STXBP5L: variants seen among roughly 807,000 people sequenced by gnomAD.
STXBP5L encodes syntaxin-binding protein 5-like.
STXBP5L carries 65 observed loss-of-function variants against 144.5 expected under a neutral mutation model. That is an observed-to-expected ratio of 0.45 (90% CI 0.37 to 0.55). The LOEUF is 0.55. Among genes scored for constraint, STXBP5L ranks in the 20% least tolerant of loss-of-function variants. The pLI is 0.00. For missense variants in STXBP5L, 1,298 were observed against 1,405.5 expected (o/e 0.92, Z 1.22); for synonymous variants, 505 against 469.6 (o/e 1.08, Z -0.97).
chr3:120,916,432 C>CTG (rs1178240227), intron 2 of STXBP5L, among the ~76,000 whole-genome samples: 1 of 152,012 alleles, frequency 6.6e-6, no homozygotes, highest in Non-Finnish European at 1.5e-5. Flanking sequence ...TCCCAAGTAG[C>CTG]TGGGATTACA....
At chr3:121,139,364 A>G (rs958013979) in intron 7 of STXBP5L, among the ~76,000 whole-genome samples, 9 of 152,122 alleles carry the variant, frequency 5.9e-5, no homozygotes, top group African/African-American at 2.2e-4. Context: ...TACAATTACT[A>G]TATGTCAACT....
rs2108759831 is a variant in STXBP5L, at chr3:121,419,629, CAAAA to C, written c.*533_*536del. The C allele has an allele frequency of 6.6e-6, 1 of 152,290 alleles. No homozygotes were observed. The highest frequency in any genetic ancestry group is 2.1e-4 in the South Asian group (1 of 4,818). 9.4% of individuals were successfully genotyped at this position (152,290 alleles called of 1,614,324 possible). A position where few individuals can be genotyped will look rare whatever the true frequency, so the allele number is the denominator to read the frequency against. ...TGCCATACCCAACTGAAACGGAAAA[CAAAA>C]CAAAACAAGAACCCAGAGTTTTCTC... On this transcript the variant is annotated 3_prime_UTR_variant, in exon 27 of 27. Coordinates refer to ENST00000471454, the MANE Select transcript of STXBP5L (RefSeq NM_001308330.2).
chr3:121,121,652 C>T lies in STXBP5L; in HGVS notation c.617C>T (p.Thr206Ile). ...AATTGATTTAACAGATCCACTAAGACTCATCCAGGTCCAGTTGTACATTTA... is the reference window on the plus strand; with the variant it reads ...AATTGATTTAACAGATCCACTAAGATTCATCCAGGTCCAGTTGTACATTTA... ...WNKAIELSTK[T>I]HPGPVVHLSD... The change falls in exon 7 of 27, where the codon ACT (threonine) becomes ATT (isoleucine). Residue 206 changes from threonine (T) to isoleucine (I), a missense_variant. Transcript: ENST00000471454. 6.2e-7 allele frequency: 1 copy of T among 1,604,540 alleles called. No homozygotes were observed. Among genetic ancestry groups the T allele is most frequent in the Non-Finnish European group, 8.5e-7 (1 of 1,173,202 alleles).
chr3:120,977,203 G>T (rs1472311720), intron 3 of STXBP5L, among the ~76,000 whole-genome samples: 2 of 152,154 alleles, frequency 1.3e-5, no homozygotes, highest in African/African-American at 2.4e-5. Flanking sequence ...GGTCAGTAAG[G>T]ACTTGCTTCA....
chr3:121,272,809 C>T (rs339007), intron 18 of STXBP5L, among the ~76,000 whole-genome samples: 72,114 of 151,746 alleles, frequency 0.48, 17,691 homozygotes, highest in East Asian at 0.73. Context: ...TACGATGAGG[C>T]TTACGTGGAA....
intron 5 of STXBP5L, among the ~76,000 whole-genome samples, chr3:121,057,591 C>G (rs954796421): frequency 3.5e-4 from 53 of 151,880 alleles, no homozygotes; most frequent in African/African-American, 1.1e-3. Context: ...TAGTTCTTTG[C>G]TTTTGGATTC....
intron 23 of STXBP5L, among the ~76,000 whole-genome samples, chr3:121,412,316 A>G (rs1236437774): frequency 6.6e-6 from 1 of 152,162 alleles, no homozygotes; most frequent in Non-Finnish European, 1.5e-5. Flanking sequence ...CTGAGAAAGA[A>G]AGTGTTCCCC....
intron 5 of STXBP5L, among the ~76,000 whole-genome samples, chr3:121,083,391 G>C (rs2107700872): frequency 6.6e-6 from 1 of 152,278 alleles, no homozygotes; most frequent in South Asian, 2.1e-4. Flanking sequence ...GTTGGGTGCA[G>C]TGGCTCACGC....
chr3:121,048,631 C>A lies in STXBP5L; in HGVS notation c.470+3096C>A, dbSNP rs138845431. 2.3e-3 allele frequency among the ~76,000 whole-genome samples: 351 copies of A among 151,806 alleles called. 2 individuals carry two copies. Among genetic ancestry groups the A allele is most frequent in the African/African-American group, 7.9e-3 (327 of 41,386 alleles). On this transcript the variant is annotated intron_variant, in intron 5 of 26. Coordinates refer to ENST00000471454, the MANE Select transcript of STXBP5L (RefSeq NM_001308330.2). ...TGGTCTATTCTTCTGTTAATACTTG[C>A]AATTACATTATGAAATTCTTGTAGT... is the stretch of plus-strand genomic sequence containing the variant.
intron 5 of STXBP5L, among the ~76,000 whole-genome samples, chr3:121,066,517 T>C (rs1476332451): frequency 1.3e-5 from 2 of 152,034 alleles, no homozygotes; most frequent in Non-Finnish European, 2.9e-5. Flanking sequence ...TTACATCAGT[T>C]GATCTTTAAA....
intron 3 of STXBP5L, among the ~76,000 whole-genome samples, chr3:120,977,758 A>T (rs1941249018): frequency 6.6e-6 from 1 of 152,128 alleles, no homozygotes; most frequent in Non-Finnish European, 1.5e-5. Context: ...AAAATCTCTC[A>T]GCATTTGCTT....
intron 20 of STXBP5L, among the ~76,000 whole-genome samples, chr3:121,373,241 C>T (rs2046084634): frequency 6.6e-6 from 1 of 152,202 alleles, no homozygotes; most frequent in Admixed American, 6.5e-5. Flanking sequence ...AGGAGGGATG[C>T]TCCAATGCAG....
rs2108326468 is a variant in STXBP5L, at chr3:121,237,466, T to C, written c.1185-1505T>C. ...CTAGGCTCCTGTGATTGTGATGGGA[T>C]GGGTGGCCTCAAAGATTTCTGAAAT... On this transcript the variant is annotated intron_variant, in intron 12 of 26. Coordinates refer to ENST00000471454, the MANE Select transcript of STXBP5L (RefSeq NM_001308330.2). Among the ~76,000 whole-genome samples, 2 of 152,322 alleles carry C rather than the reference T, an allele frequency of 1.3e-5. 1 individual carries two copies. The highest frequency in any genetic ancestry group is 6.8e-3 in the Middle Eastern group (2 of 294).
At chr3:121,238,936 T>TAAAG in intron 12 of STXBP5L, 35 bp from the exon 13 acceptor site, 1 of 1,490,214 alleles carries the variant, frequency 6.7e-7, no homozygotes, top group Non-Finnish European at 9.1e-7. Context: ...TTTTTCTTTG[T>TAAAG]AAAATAACAC....
Position 121,114,989 on chromosome 3 carries a change from A to G in STXBP5L, c.535A>G (p.Thr179Ala). 2 of 1,602,464 alleles carry G rather than the reference A, an allele frequency of 1.2e-6. No homozygotes were observed. Among genetic ancestry groups the G allele is most frequent in the Non-Finnish European group, 1.7e-6 (2 of 1,175,472 alleles). ...WLYVGTERGN[T>A]HIVNIESFIL... ...TTATGTTGGAACAGAAAGAGGAAATACACATATTGTAAATATTGAATCTTT... is the reference window on the plus strand; with the variant it reads ...TTATGTTGGAACAGAAAGAGGAAATGCACATATTGTAAATATTGAATCTTT... Residue 179 changes from threonine (T) to alanine (A), a missense_variant, in exon 6 of 27, where the codon ACA (threonine) becomes GCA (alanine). Physicochemically the swap from Thr to Ala is moderately conservative, Grantham distance 58. Transcript: ENST00000471454.
At chr3:121,119,447 G>A (rs1044861136) in intron 6 of STXBP5L, among the ~76,000 whole-genome samples, 2 of 151,320 alleles carry the variant, frequency 1.3e-5, no homozygotes, top group Admixed American at 6.6e-5. Flanking sequence ...GATATGGGAA[G>A]ATAATGAAAA....
intron 12 of STXBP5L, 123 bp from the exon 13 acceptor site, chr3:121,238,848 G>A (rs756618635): frequency 2.1e-4 from 197 of 939,018 alleles, no homozygotes; most frequent in Non-Finnish European, 2.7e-4. Flanking sequence ...TTGTTTTATG[G>A]TACTTAAAAA....
At chr3:120,919,044 T>G (rs1709240395) in intron 2 of STXBP5L, among the ~76,000 whole-genome samples, 2 of 152,116 alleles carry the variant, frequency 1.3e-5, no homozygotes, top group Admixed American at 1.3e-4. Context: ...TGTTGTACTA[T>G]TTTGTGATGC....
At chr3:120,992,678 C>A (rs972978933) in intron 3 of STXBP5L, among the ~76,000 whole-genome samples, 4 of 151,930 alleles carry the variant, frequency 2.6e-5, no homozygotes, top group African/African-American at 7.3e-5. Flanking sequence ...TGTATATATA[C>A]CACATTTTTC....
Sources: allele counts gnomAD v4.1 joint callset (sites outside exome capture counted in the v4.1 genomes callset), GRCh38; gene constraint gnomAD v4.1.1; transcripts MANE v1.5; gene names NCBI Gene and HGNC (gene_info 2026-07-23, HGNC 2026-07-21).